SLIT2: variants seen among roughly 807,000 people sequenced by gnomAD.
SLIT2 encodes slit homolog 2 protein.
In SLIT2, 41 loss-of-function variants were observed where a neutral mutation model predicts 185.7. That is an observed-to-expected ratio of 0.22 (90% CI 0.17 to 0.29). SLIT2 has a LOEUF of 0.29. Among genes scored for constraint, SLIT2 ranks in the 10% least tolerant of loss-of-function variants. The pLI is 1.00. For synonymous variants in SLIT2, 693 were observed against 680.2 expected, an observed-to-expected ratio of 1.02 and a Z score of -0.29; for missense variants, 1,571 against 1,909.0, an observed-to-expected ratio of 0.82 and a Z score of 3.30.
intron 4 of SLIT2, among the ~76,000 whole-genome samples, chr4:20,464,898 C>T (rs577138057): frequency 6.6e-5 from 10 of 152,014 alleles, no homozygotes; most frequent in South Asian, 2.1e-4. Flanking sequence ...CTTCTTTACT[C>T]GATTTGAAAA....
chr4:20,575,366 G>C (rs919231703), intron 29 of SLIT2, among the ~76,000 whole-genome samples: 1 of 151,972 alleles, frequency 6.6e-6, no homozygotes, highest in Non-Finnish European at 1.5e-5. Flanking sequence ...CTAGCACCTG[G>C]GGGAATTGTC....
At chr4:20,610,219 T>C (rs1424052172) in intron 34 of SLIT2, 52 bp downstream of exon 34, 10 of 1,536,856 alleles carry the variant, frequency 6.5e-6, no homozygotes, top group Non-Finnish European at 7.1e-6. Flanking sequence ...ATTCTCATTA[T>C]GGACGAATTC....
intron 4 of SLIT2, among the ~76,000 whole-genome samples, chr4:20,400,004 G>C (rs949645316): frequency 2.0e-5 from 3 of 151,716 alleles, no homozygotes; most frequent in Non-Finnish European, 4.4e-5. Context: ...AGATGGAAAA[G>C]AGAATGATCT....
chr4:20,511,580 C>G (rs1171752763), intron 11 of SLIT2, among the ~76,000 whole-genome samples: 1 of 39,934 alleles, frequency 2.5e-5, no homozygotes, highest in Non-Finnish European at 4.9e-5. Context: ...GCCACCACAT[C>G]CAGCTAATTT....
intron 4 of SLIT2, among the ~76,000 whole-genome samples, chr4:20,376,958 A>C (rs1337544540): frequency 1.3e-5 from 2 of 152,130 alleles, no homozygotes; most frequent in African/African-American, 4.8e-5. Flanking sequence ...CCAACATGGC[A>C]CATATATACC....
intron 4 of SLIT2, among the ~76,000 whole-genome samples, chr4:20,277,548 A>T (rs1022332474): frequency 2.0e-5 from 3 of 151,672 alleles, no homozygotes; most frequent in African/African-American, 7.2e-5. Context: ...TATCTTAAGA[A>T]GTTTAAAATG....
At chr4:20,260,904 A>G (rs543830031) in intron 3 of SLIT2, among the ~76,000 whole-genome samples, 1 of 149,262 alleles carries the variant, frequency 6.7e-6, no homozygotes, top group South Asian at 2.1e-4. Context: ...TTTTTCTTCC[A>G]TTTTCTTTTC....
intron 4 of SLIT2, among the ~76,000 whole-genome samples, chr4:20,408,027 G>A (rs371899445): frequency 5.9e-5 from 9 of 152,272 alleles, no homozygotes; most frequent in East Asian, 5.8e-4. Context: ...TGCGAGAACC[G>A]TGGTGATCAG....
intron 4 of SLIT2, among the ~76,000 whole-genome samples, chr4:20,286,387 C>T (rs548824388): frequency 3.9e-5 from 6 of 152,290 alleles, no homozygotes; most frequent in African/African-American, 1.4e-4. Context: ...TCTACCTCCA[C>T]AGTTGGTTCA....
chr4:20,378,591 C>T lies in SLIT2; in HGVS notation c.396-89161C>T, dbSNP rs534650883. Among the ~76,000 whole-genome samples the T allele has an allele frequency of 5.8e-4, 88 of 152,132 alleles. No homozygotes were observed. The South Asian group carries it at 0.015, about 25-fold the overall frequency. ...CTCAGTAGTTGCTAGTATTGTGCCC[C>T]ATTTGATTCATCCATACATTTATTT... On this transcript the variant is annotated intron_variant, in intron 4 of 36. Transcript: ENST00000504154.
Position 20,254,017 on chromosome 4 carries a change from C to T in SLIT2, c.179+23C>T. On this transcript the variant is annotated intron_variant, in intron 1 of 36. Transcript: ENST00000504154. The surrounding 1 kb of genome is among the most constrained non-coding windows in gnomAD (Gnocchi z 5.1). ...ACTGTGAGTATGCGCTCTTCGTCTT[C>T]CCCTCTCCCCATCCGGGCCGCGCAC... 5 of 1,590,754 alleles carry T rather than the reference C, an allele frequency of 3.1e-6. No individual in the cohort carries two copies. The highest frequency in any genetic ancestry group is 2.2e-5 in the East Asian group (1 of 44,564).
intron 4 of SLIT2, among the ~76,000 whole-genome samples, chr4:20,271,258 CAAAT>C (rs1270447624): frequency 6.7e-6 from 1 of 150,206 alleles, no homozygotes; most frequent in East Asian, 2.0e-4. Context: ...GAATTTTTGA[CAAAT>C]AATGGGGAAA....
chr4:20,511,058 A>C lies in SLIT2; in HGVS notation c.987-8A>C, dbSNP rs537306177. The C allele has an allele frequency of 2.7e-5, 42 of 1,574,188 alleles. No homozygotes were observed. In the South Asian group the frequency reaches 4.7e-4, roughly 17 times the overall value. On this transcript the variant is annotated splice_polypyrimidine_tract_variant and splice_region_variant and intron_variant, in intron 10 of 36. Coordinates refer to ENST00000504154, the MANE Select transcript of SLIT2 (RefSeq NM_004787.4). Reference sequence around the variant, plus strand: ...TTGAATGTAACCTAACCCTATTTCTAATCTTAGTGACCTGAGCAATAATCA... The same window carrying C: ...TTGAATGTAACCTAACCCTATTTCTCATCTTAGTGACCTGAGCAATAATCA...
chr4:20,450,065 T>C (rs372540995), intron 4 of SLIT2, among the ~76,000 whole-genome samples: 3 of 152,208 alleles, frequency 2.0e-5, no homozygotes, highest in African/African-American at 7.2e-5. Context: ...TGTCATTAAC[T>C]TTAGTTTCCT....
chr4:20,264,965 G>C (rs1712875777), intron 3 of SLIT2, among the ~76,000 whole-genome samples: 1 of 151,900 alleles, frequency 6.6e-6, no homozygotes, highest in African/African-American at 2.4e-5. Context: ...TTGAGTGTCT[G>C]TGCTCTCAAC....
intron 3 of SLIT2, among the ~76,000 whole-genome samples, chr4:20,260,888 C>T (rs1712385114): frequency 6.6e-6 from 1 of 151,650 alleles, no homozygotes; most frequent in Non-Finnish European, 1.5e-5. Flanking sequence ...CCCTCACCTC[C>T]TTCTTTTTTT....
chr4:20,381,627 A>G (rs1019247036), intron 4 of SLIT2, among the ~76,000 whole-genome samples: 8 of 152,146 alleles, frequency 5.3e-5, no homozygotes, highest in Non-Finnish European at 1.0e-4. Flanking sequence ...ATGTAGTATA[A>G]CCTGTATTGA....
At chr4:20,536,572 A>C (rs1343584335) in intron 18 of SLIT2, among the ~76,000 whole-genome samples, 19 of 150,710 alleles carry the variant, frequency 1.3e-4, no homozygotes, top group African/African-American at 4.1e-4. Context: ...AAAAAAAAAA[A>C]AAAAAAACAA....
intron 4 of SLIT2, among the ~76,000 whole-genome samples, chr4:20,403,478 C>G (rs542319611): frequency 2.0e-4 from 30 of 152,004 alleles, no homozygotes; most frequent in Non-Finnish European, 3.5e-4. Flanking sequence ...TAGCAGGGCT[C>G]CCTGTAGAAT....
Sources: allele counts gnomAD v4.1 joint callset (sites outside exome capture counted in the v4.1 genomes callset), GRCh38; gene constraint gnomAD v4.1.1; non-coding constraint Gnocchi (gnomAD v3.1); transcripts MANE v1.5; gene names NCBI Gene and HGNC (gene_info 2026-07-23, HGNC 2026-07-21).